Variants in NUP93 observed in about 807,000 individuals in gnomAD.
NUP93 encodes the protein nuclear pore complex protein Nup93.
A neutral mutation model predicts 107.8 loss-of-function variants in NUP93; 55 were observed. The observed-to-expected ratio is 0.51, with a 90% CI of 0.41 to 0.64. The LOEUF is 0.64. Among genes scored for constraint, NUP93 ranks in the 30% least tolerant of loss-of-function variants. NUP93 has a pLI of 0.00. For missense variants in NUP93, 937 were observed against 1,044.7 expected (o/e 0.90, Z 1.42); for synonymous variants, 390 against 397.5 (o/e 0.98, Z 0.22).
chr16:56,735,233 A>G (rs1415340669), intron 1 of NUP93, among the ~76,000 whole-genome samples: 4 of 152,198 alleles, frequency 2.6e-5, no homozygotes, highest in African/African-American at 9.7e-5. Flanking sequence ...GTGACAGGTG[A>G]GGGAGATGCA....
At chr16:56,821,642 T>C (rs765487235) in intron 7 of NUP93, 49 bp downstream of exon 7, 7 of 1,268,584 alleles carry the variant, frequency 5.5e-6, no homozygotes, top group Admixed American at 1.7e-5. Flanking sequence ...AGTGTTCCGA[T>C]GGGCCTAGCA....
At chr16:56,810,251 C>T (rs111274609) in intron 5 of NUP93, among the ~76,000 whole-genome samples, 1 of 152,274 alleles carries the variant, frequency 6.6e-6, no homozygotes, top group East Asian at 1.9e-4. Context: ...TTGCCCTTTT[C>T]CGGAATCTTA....
chr16:56,842,368 G>T (rs1964042195), intron 21 of NUP93, among the ~76,000 whole-genome samples: 2 of 152,118 alleles, frequency 1.3e-5, no homozygotes, highest in African/African-American at 4.8e-5. Flanking sequence ...CATGTCTGGA[G>T]GCTGGGTCTC....
At chr16:56,821,436 G>T in intron 6 of NUP93, 68 bp from the exon 7 acceptor site, 1 of 1,124,982 alleles carries the variant, frequency 8.9e-7, no homozygotes. Context: ...GCCATTGCCT[G>T]CTTCAGGAGG....
chr16:56,794,604 G>A (rs532967384), intron 3 of NUP93, among the ~76,000 whole-genome samples: 2 of 150,040 alleles, frequency 1.3e-5, no homozygotes, highest in African/African-American at 4.9e-5. Context: ...GAGAGAGAGA[G>A]AGAGAGAGAT....
rs577148595 is a variant in NUP93 at position 56,803,810 on chromosome 16, C to T, written c.361-1694C>T. Among the ~76,000 whole-genome samples, 268 of 152,048 alleles carry T rather than the reference C, an allele frequency of 1.8e-3. 1 individual carries two copies. Among genetic ancestry groups the T allele is most frequent in the African/African-American group, 6.1e-3 (253 of 41,498 alleles). On this transcript the variant is annotated intron_variant, in intron 4 of 21. Coordinates refer to ENST00000308159, the MANE Select transcript of NUP93 (RefSeq NM_014669.5). Reference sequence around the variant, plus strand: ...TTTCTGTGACAGTCTTGCTCTGTTGCCCAGGCTGGAGTGCAGTGGTACAGT... The same window carrying T: ...TTTCTGTGACAGTCTTGCTCTGTTGTCCAGGCTGGAGTGCAGTGGTACAGT...
intron 3 of NUP93, among the ~76,000 whole-genome samples, chr16:56,760,465 A>G (rs1162416393): frequency 6.6e-6 from 1 of 152,222 alleles, no homozygotes; most frequent in Admixed American, 6.5e-5. Flanking sequence ...CAAGAAGCAT[A>G]AAACCAGCAT....
chr16:56,818,708 G>C lies in NUP93; in HGVS notation c.534G>C (p.Leu178=). ...SDVGPPGRSS[L]DNIEMAYARQ... ...TGGGACCCCCTGGTCGAAGCTCTCT[G>C]GATAACATCGAGATGGCCTATGCGC... Residue 178 remains leucine, a synonymous_variant, in exon 6 of 22, where the codon CTG becomes CTC. Transcript: ENST00000308159. The C allele has an allele frequency of 6.2e-7, 1 of 1,614,120 alleles. No individual in the cohort carries two copies. The highest frequency in any genetic ancestry group is 8.5e-7 in the Non-Finnish European group (1 of 1,179,964).
At chr16:56,764,325 A>C (rs1962181010) in intron 3 of NUP93, among the ~76,000 whole-genome samples, 1 of 152,124 alleles carries the variant, frequency 6.6e-6, no homozygotes, top group South Asian at 2.1e-4. Context: ...ACCCGTCTCT[A>C]CTAAAAATAC....
intron 5 of NUP93, among the ~76,000 whole-genome samples, chr16:56,810,593 C>G (rs1963291894): frequency 6.6e-6 from 1 of 152,174 alleles, no homozygotes; most frequent in Non-Finnish European, 1.5e-5. Context: ...GATCGCACCA[C>G]TGTACCCCAG....
chr16:56,759,952 TTGTGATGCACTTCATGCA>T (rs1414761764), intron 3 of NUP93, among the ~76,000 whole-genome samples: 1 of 152,228 alleles, frequency 6.6e-6, no homozygotes, highest in Non-Finnish European at 1.5e-5. Context: ...CAACAGCATT[TTGTGATGCACTTCATGCA>T]TTTCGAGTGA....
chr16:56,793,167 A>T (rs757159260), intron 3 of NUP93, among the ~76,000 whole-genome samples: 2 of 152,224 alleles, frequency 1.3e-5, no homozygotes. Context: ...ACCAAAACAC[A>T]TTTGAGGAGC....
rs1332697373 is a variant in NUP93, at chr16:56,850,053, C to T, written c.*5444C>T. ...TGATCAGTAACTTGTGTTAGAAACT[C>T]AGTGGGGGAGAATTCTTTGCGTTTT... On this transcript the variant is annotated 3_prime_UTR_variant, in exon 22 of 22. Transcript: ENST00000308159. 6.6e-6 allele frequency: 1 copy of T among 152,192 alleles called. No individual in the cohort carries two copies. The highest frequency in any genetic ancestry group is 2.4e-5 in the African/African-American group (1 of 41,436). The allele number at this position is 152,192 out of a possible 1,614,324, so 9.4% of individuals were successfully genotyped here.
chr16:56,765,144 T>A (rs1962194262), intron 3 of NUP93, among the ~76,000 whole-genome samples: 1 of 152,184 alleles, frequency 6.6e-6, no homozygotes, highest in African/African-American at 2.4e-5. Flanking sequence ...TAGCCCAAAT[T>A]GGATGATTTT....
At chr16:56,739,290 G>A (rs1961665255) in intron 1 of NUP93, among the ~76,000 whole-genome samples, 4 of 92,642 alleles carry the variant, frequency 4.3e-5, no homozygotes, top group African/African-American at 1.3e-4. Context: ...CAGTAGGGGC[G>A]GCCGGGCAGA....
chr16:56,736,408 T>C (rs1395153832), intron 1 of NUP93, among the ~76,000 whole-genome samples: 4 of 152,222 alleles, frequency 2.6e-5, no homozygotes, highest in East Asian at 1.9e-4. Flanking sequence ...TCTGAGTCTG[T>C]AGTATTTCGT....
chr16:56,822,550 C>T (rs1386135458), intron 7 of NUP93, among the ~76,000 whole-genome samples: 4 of 97,720 alleles, frequency 4.1e-5, no homozygotes, highest in South Asian at 4.5e-4. Context: ...TCTTTTCTTT[C>T]TTTCTTTTCT....
intron 5 of NUP93, among the ~76,000 whole-genome samples, chr16:56,815,865 A>ACTGCTGCTGCTGCTGCTGCTGCTG (rs59958027): frequency 1.4e-4 from 20 of 147,078 alleles, no homozygotes; most frequent in African/African-American, 2.8e-4. Context: ...TACTACTGCT[A>ACTGCTGCTGCTGCTGCTGCTGCTG]CTGCTGCTGC....
intron 3 of NUP93, chr16:56,781,907 T>C: frequency 1.0e-6 from 1 of 985,376 alleles, no homozygotes; most frequent in Non-Finnish European, 1.2e-6. Context: ...ATGGTGATGC[T>C]GTGCTCCGGG....
Sources: allele counts gnomAD v4.1 joint callset (sites outside exome capture counted in the v4.1 genomes callset), GRCh38; gene constraint gnomAD v4.1.1; transcripts MANE v1.5; gene names NCBI Gene and HGNC (gene_info 2026-07-23, HGNC 2026-07-21).